MPHOSPH8: variants seen among roughly 807,000 people sequenced by gnomAD.
MPHOSPH8 encodes the protein M-phase phosphoprotein 8, also known as M-phase phosphoprotein, mpp.
MPHOSPH8 carries 45 observed loss-of-function variants against 87.3 expected under a neutral mutation model. The ratio of observed to expected loss-of-function variants is 0.52; its 90% confidence interval spans 0.41 to 0.66. MPHOSPH8 has a LOEUF of 0.66. Among genes scored for constraint, MPHOSPH8 ranks in the 30% least tolerant of loss-of-function variants. MPHOSPH8 has a pLI of 0.00. For synonymous variants in MPHOSPH8, 366 were observed against 376.9 expected (o/e 0.97, Z 0.33); for missense variants, 883 against 1,020.2 (o/e 0.87, Z 1.83).
intron 5 of MPHOSPH8, among the ~76,000 whole-genome samples, chr13:19,650,958 G>A (rs1215939199): frequency 6.6e-6 from 1 of 152,210 alleles, no homozygotes; most frequent in Non-Finnish European, 1.5e-5. Context: ...GGAAATTAGG[G>A]TAATTTCTGG....
At chr13:19,659,702 TAAA>T in intron 7 of MPHOSPH8, 1 of 424,918 alleles carries the variant, frequency 2.4e-6, no homozygotes, top group Non-Finnish European at 4.6e-6. Context: ...CTTTGTAAAA[TAAA>T]AAAATTGTAG....
At chr13:19,652,553 A>G (rs1186854191) in intron 5 of MPHOSPH8, among the ~76,000 whole-genome samples, 4 of 152,082 alleles carry the variant, frequency 2.6e-5, no homozygotes, top group Non-Finnish European at 4.4e-5. Context: ...TCCATACCCC[A>G]GTGGCACCTG....
intron 2 of MPHOSPH8, among the ~76,000 whole-genome samples, chr13:19,644,356 TA>T (rs749050675): frequency 6.6e-6 from 1 of 152,222 alleles, no homozygotes; most frequent in Non-Finnish European, 1.5e-5. Context: ...TCAGCAAGCA[TA>T]ATATTCCTTT....
chr13:19,639,986 A>G (rs1939625057), intron 1 of MPHOSPH8, among the ~76,000 whole-genome samples: 1 of 152,046 alleles, frequency 6.6e-6, no homozygotes, highest in South Asian at 2.1e-4. Context: ...CCCACCTGTA[A>G]TCTCAGCTAC....
chr13:19,651,420 A>G (rs1447630883), intron 5 of MPHOSPH8, among the ~76,000 whole-genome samples: 3 of 151,812 alleles, frequency 2.0e-5, no homozygotes, highest in Non-Finnish European at 4.4e-5. Flanking sequence ...CCAGCTACTC[A>G]GGAGGCTGAG....
chr13:19,670,117 G>A (rs1346841534), intron 11 of MPHOSPH8, 119 bp from the exon 12 acceptor site: 1 of 1,197,906 alleles, frequency 8.3e-7, no homozygotes, highest in South Asian at 1.5e-5. Context: ...TCCAGGCAGA[G>A]TGGGTGATGC....
intron 11 of MPHOSPH8, 116 bp from the exon 12 acceptor site, chr13:19,670,120 G>A: frequency 8.1e-7 from 1 of 1,233,770 alleles, no homozygotes; most frequent in Admixed American, 2.1e-5. Flanking sequence ...AGGCAGAGTG[G>A]GTGATGCCTG....
intron 6 of MPHOSPH8, 25 bp from the exon 7 acceptor site, chr13:19,659,176 T>C: frequency 6.2e-7 from 1 of 1,609,140 alleles, no homozygotes; most frequent in Non-Finnish European, 8.5e-7. Flanking sequence ...TTATAAAATC[T>C]AACTTATTTT....
chr13:19,638,082 A>C (rs1327573416), intron 1 of MPHOSPH8, among the ~76,000 whole-genome samples: 3 of 150,726 alleles, frequency 2.0e-5, no homozygotes, highest in Non-Finnish European at 4.4e-5. Context: ...GCCTGGGCGA[A>C]AGAGTGAGAC....
At position 19,672,276 on chromosome 13, in the gene MPHOSPH8, C is replaced by A; in HGVS notation, c.*401C>A. 1 of 170,636 alleles carries A rather than the reference C, an allele frequency of 5.9e-6. No individual in the cohort carries two copies. Among genetic ancestry groups the A allele is most frequent in the East Asian group, 1.6e-4 (1 of 6,440 alleles). The allele number at this position is 170,636 out of a possible 1,614,324, so 10.6% of individuals were successfully genotyped here. On this transcript the variant is annotated 3_prime_UTR_variant, in exon 14 of 14. Transcript: ENST00000361479. The stretch of plus-strand genomic sequence containing the variant: ...TCTCCTGCCTCAGCCTCCTGAGTAG[C>A]TGGGATTACAGACACCCGCCATGGC...
intron 5 of MPHOSPH8, among the ~76,000 whole-genome samples, chr13:19,651,102 G>A (rs1241959088): frequency 6.6e-6 from 1 of 152,156 alleles, no homozygotes; most frequent in East Asian, 1.9e-4. Context: ...TGGATTCCTG[G>A]TTTTCTATAA....
At position 19,666,487 on chromosome 13, in the gene MPHOSPH8, TATTTTGTCAAAGCACCAG is replaced by T; in HGVS notation, c.2084_2101del (p.Ile695_Gln700del). 6.2e-7 allele frequency: 1 copy of T among 1,612,048 alleles called. No individual in the cohort carries two copies. The highest frequency in any genetic ancestry group is 8.5e-7 in the Non-Finnish European group (1 of 1,178,206). On this transcript the variant is annotated inframe_deletion, in exon 10 of 14. Transcript: ENST00000361479. Reference sequence around the variant, plus strand: ...TAATTGAATGTGGAGCTGACTGCAATATTTTGTCAAAGCACCAGAATAGTGCCCTGCACTTTGCGAAGC... The same window carrying T: ...TAATTGAATGTGGAGCTGACTGCAATAATAGTGCCCTGCACTTTGCGAAGC...
At chr13:19,670,476 C>G in intron 12 of MPHOSPH8, 113 bp downstream of exon 12, 2 of 1,222,472 alleles carry the variant, frequency 1.6e-6, no homozygotes, top group Non-Finnish European at 2.2e-6. Context: ...AGAAAACGAT[C>G]CAGTAATAGT....
intron 9 of MPHOSPH8, 80 bp from the exon 10 acceptor site, chr13:19,666,345 T>A (rs1385831784): frequency 1.4e-6 from 2 of 1,407,326 alleles, no homozygotes; most frequent in Middle Eastern, 1.9e-4. Flanking sequence ...ACAGAACCGC[T>A]AAGCATGTAT....
At chr13:19,643,140 G>A (rs1486145888) in intron 2 of MPHOSPH8, among the ~76,000 whole-genome samples, 1 of 152,068 alleles carries the variant, frequency 6.6e-6, no homozygotes, top group Non-Finnish European at 1.5e-5. Flanking sequence ...GTGTCTCATA[G>A]GGGCCAGACC....
At chr13:19,634,857 C>T (rs1378933615) in intron 1 of MPHOSPH8, among the ~76,000 whole-genome samples, 1 of 152,168 alleles carries the variant, frequency 6.6e-6, no homozygotes, top group Non-Finnish European at 1.5e-5. Flanking sequence ...AGTGGTCATT[C>T]TGTATGTTGT....
intron 3 of MPHOSPH8, among the ~76,000 whole-genome samples, chr13:19,647,887 A>T (rs1000762440): frequency 3.3e-5 from 5 of 152,302 alleles, no homozygotes; most frequent in African/African-American, 1.2e-4. Context: ...CATTTTAAAG[A>T]AGGAAAAGCT....
chr13:19,650,411 A>G, intron 5 of MPHOSPH8, 151 bp downstream of exon 5: 2 of 873,680 alleles, frequency 2.3e-6, no homozygotes, highest in Non-Finnish European at 3.3e-6. Context: ...TTTTATATTG[A>G]AGACGGGTCA....
chr13:19,650,301 C>T (rs752350485), intron 5 of MPHOSPH8, 41 bp downstream of exon 5: 3 of 1,588,926 alleles, frequency 1.9e-6, no homozygotes, highest in South Asian at 1.1e-5. Context: ...CAAGGTAGTG[C>T]ACCATATTAT....
Sources: allele counts gnomAD v4.1 joint callset (sites outside exome capture counted in the v4.1 genomes callset), GRCh38; gene constraint gnomAD v4.1.1; transcripts MANE v1.5; gene names NCBI Gene and HGNC (gene_info 2026-07-23, HGNC 2026-07-21).